KDM4C: variants seen among roughly 807,000 people sequenced by gnomAD.
KDM4C encodes lysine-specific demethylase 4C.
Under a neutral mutation model 129.3 loss-of-function variants are expected in KDM4C, and 81 were observed. The ratio of observed to expected loss-of-function variants is 0.63; its 90% CI spans 0.52 to 0.75. The LOEUF (loss-of-function observed/expected upper bound fraction) is 0.75, where lower values mean the gene tolerates loss of function less well. KDM4C is among the 30% of genes least tolerant of loss of function. The pLI, the probability that KDM4C is intolerant of heterozygous loss-of-function variation, is 0.00. For missense variants in KDM4C, 1,457 were observed against 1,304.0 expected (o/e 1.12, Z -1.81); for synonymous variants, 573 against 456.1 (o/e 1.26, Z -3.26).
chr9:6,800,223 C>T (rs1338675556), intron 2 of KDM4C, among the ~76,000 whole-genome samples: 3 of 151,958 alleles, frequency 2.0e-5, no homozygotes, highest in Admixed American at 6.6e-5. Context: ...AAAAATTAGT[C>T]GGGTGTGGTG....
intron 17 of KDM4C, among the ~76,000 whole-genome samples, chr9:7,088,425 A>G (rs185367434): frequency 6.6e-6 from 1 of 152,348 alleles, no homozygotes; most frequent in Admixed American, 6.5e-5. Flanking sequence ...CTATACTAGT[A>G]TTGACCCACA....
chr9:7,141,719 T>C (rs1841758875), intron 19 of KDM4C, among the ~76,000 whole-genome samples: 1 of 152,146 alleles, frequency 6.6e-6, no homozygotes, highest in Non-Finnish European at 1.5e-5. Flanking sequence ...CTCTGTTTTA[T>C]ACACCTAGAG....
intron 15 of KDM4C, among the ~76,000 whole-genome samples, chr9:7,022,012 A>G (rs1172785382): frequency 2.0e-5 from 3 of 152,144 alleles, no homozygotes; most frequent in Non-Finnish European, 4.4e-5. Context: ...CCACTGATCT[A>G]AGTGTCTGTT....
At chr9:7,047,103 G>T (rs969660447) in intron 16 of KDM4C, among the ~76,000 whole-genome samples, 186 bp downstream of exon 16, 2 of 152,010 alleles carry the variant, frequency 1.3e-5, no homozygotes, top group African/African-American at 2.4e-5. Context: ...GGCAGGGCAA[G>T]AGCAGTCCAA....
Position 7,169,869 on chromosome 9 carries a change from C to T in KDM4C, c.2973C>T (p.Pro991=), listed in dbSNP as rs144308353. 62 of 1,613,814 alleles carry T rather than the reference C, an allele frequency of 3.8e-5. No individual in the cohort carries two copies. The African/African-American group carries it at 7.6e-4, about 20-fold the overall frequency. The change falls in exon 21 of 22, where the codon CCC becomes CCT. Residue 991 remains proline (P), a synonymous_variant. Transcript: ENST00000381309. ...TCTACACTTTAGATGAAGAGTTACC[C>T]AAGAGAGTGAAAGCTCGATTTGTAA... is the stretch of plus-strand genomic sequence containing the variant. ...EDIYTLDEEL[P]KRVKARFSTA...
intron 4 of KDM4C, among the ~76,000 whole-genome samples, chr9:6,819,391 C>G (rs1381816911): frequency 6.6e-6 from 1 of 152,196 alleles, no homozygotes; most frequent in African/African-American, 2.4e-5. Context: ...ATCCAATGAA[C>G]AAAATCCACT....
chr9:6,733,497 G>T, intron 1 of KDM4C, among the ~76,000 whole-genome samples: 1 of 152,126 alleles, frequency 6.6e-6, no homozygotes, highest in East Asian at 1.9e-4. Context: ...CCTGTCTCAG[G>T]GCCATCTTAC....
chr9:6,735,012 A>T, intron 1 of KDM4C: 1 of 519,110 alleles, frequency 1.9e-6, no homozygotes, highest in South Asian at 1.5e-5. Context: ...GTATTACTGC[A>T]TTGCAGCTAT....
chr9:6,955,548 G>A (rs912564212), intron 8 of KDM4C, among the ~76,000 whole-genome samples: 1 of 152,142 alleles, frequency 6.6e-6, no homozygotes, highest in Non-Finnish European at 1.5e-5. Context: ...ATATTTGCAT[G>A]GAATCTGTGC....
intron 5 of KDM4C, among the ~76,000 whole-genome samples, chr9:6,858,178 G>A (rs1428775910): frequency 1.3e-5 from 2 of 152,038 alleles, no homozygotes; most frequent in Non-Finnish European, 2.9e-5. Flanking sequence ...AGAAGACTCA[G>A]GGCAAAATCT....
In KDM4C at chr9:6,758,596, C is replaced by A. The variant is rs1405809783; in HGVS notation, c.-18+393C>A. 6.6e-6 allele frequency among the ~76,000 whole-genome samples: 1 copy of A among 152,188 alleles called. No homozygotes were observed. The highest frequency in any genetic ancestry group is 1.5e-5 in the Non-Finnish European group (1 of 68,030). On this transcript the variant is annotated intron_variant, in intron 1 of 21. Coordinates refer to ENST00000381309, the MANE Select transcript of KDM4C (RefSeq NM_015061.6). This position sits in a 1 kb window ranked among gnomAD's most constrained non-coding sequence, Gnocchi z 4.6. ...GGAAGGCCGGGCCTGGTGCACCCCT[C>A]GGGGCCCTCCCTTCCCTGGGAGTGT...
intron 4 of KDM4C, among the ~76,000 whole-genome samples, chr9:6,823,403 A>G (rs1833363401): frequency 6.6e-6 from 1 of 152,194 alleles, no homozygotes; most frequent in Admixed American, 6.5e-5. Flanking sequence ...AGCATTTCAT[A>G]AAGACTGAGA....
chr9:7,094,811 C>T (rs1179814479), intron 17 of KDM4C, among the ~76,000 whole-genome samples: 1 of 152,180 alleles, frequency 6.6e-6, no homozygotes, highest in Non-Finnish European at 1.5e-5. Context: ...TAAATTTCCT[C>T]AATGTGGGCT....
chr9:7,076,212 G>C (rs1290130022), intron 17 of KDM4C, among the ~76,000 whole-genome samples: 2 of 152,090 alleles, frequency 1.3e-5, no homozygotes, highest in African/African-American at 4.8e-5. Flanking sequence ...TCTTCCTCTT[G>C]CGATACTTTA....
intron 4 of KDM4C, among the ~76,000 whole-genome samples, chr9:6,836,436 A>AT (rs1835893912): frequency 6.6e-6 from 1 of 152,224 alleles, no homozygotes; most frequent in African/African-American, 2.4e-5. Context: ...TGTACAATAT[A>AT]TTTAAGTTTT....
chr9:6,857,676 T>C (rs561946156), intron 5 of KDM4C, among the ~76,000 whole-genome samples: 1 of 152,214 alleles, frequency 6.6e-6, no homozygotes, highest in South Asian at 2.1e-4. Context: ...ACTTTGATGA[T>C]GAAATTATGA....
At chr9:6,768,179 A>G (rs143511576) in intron 1 of KDM4C, among the ~76,000 whole-genome samples, 90 of 152,168 alleles carry the variant, frequency 5.9e-4, no homozygotes, top group African/African-American at 2.1e-3. Context: ...TTCCCTAATT[A>G]AACTGGCAAG....
chr9:6,927,027 A>C (rs1227212998), intron 8 of KDM4C, among the ~76,000 whole-genome samples: 1 of 152,190 alleles, frequency 6.6e-6, no homozygotes, highest in African/African-American at 2.4e-5. Flanking sequence ...GCCAGCACAG[A>C]TTTTAATCAT....
chr9:6,751,635 A>C (rs556327017), intron 1 of KDM4C, among the ~76,000 whole-genome samples: 2 of 152,302 alleles, frequency 1.3e-5, no homozygotes, highest in South Asian at 4.2e-4. Flanking sequence ...TAGTTCAAGA[A>C]GAGAGAAGCC....
Sources: allele counts gnomAD v4.1 joint callset (sites outside exome capture counted in the v4.1 genomes callset), GRCh38; gene constraint gnomAD v4.1.1; non-coding constraint Gnocchi (gnomAD v3.1); transcripts MANE v1.5; gene names NCBI Gene and HGNC (gene_info 2026-07-23, HGNC 2026-07-21).